ROR2: variants seen among roughly 807,000 people sequenced by gnomAD.
ROR2 encodes ROR family WNT receptor 2.
In ROR2, 33 loss-of-function variants were observed where a neutral mutation model predicts 74.9. The ratio of observed to expected loss-of-function variants is 0.44; its 90% CI spans 0.33 to 0.59. The LOEUF (loss-of-function observed/expected upper bound fraction) is 0.59. ROR2 is among the 20% of genes least tolerant of loss of function. The probability of loss-of-function intolerance (pLI) is 0.02; values close to 1 mark genes in which losing one functional copy is unlikely to be tolerated. For missense variants in ROR2, 1,216 were observed against 1,313.8 expected, an observed-to-expected ratio of 0.93 and a Z score of 1.15; for synonymous variants, 586 against 558.7, an observed-to-expected ratio of 1.05 and a Z score of -0.69.
chr9:91,846,038 C>A lies in ROR2; in HGVS notation c.98-70220G>T, dbSNP rs143987500. On this transcript the variant is annotated intron_variant, in intron 1 of 8. Coordinates refer to ENST00000375708, the MANE Select transcript of ROR2 (RefSeq NM_004560.4). ...TGCAGCCAGAGGTGACTAACACTCA[C>A]ACAGGGAGCCACTGGGTGATACCAA... is the stretch of plus-strand genomic sequence containing the variant. Among the ~76,000 whole-genome samples the A allele has an allele frequency of 3.7e-3, 564 of 152,208 alleles. 1 individual carries two copies. Among genetic ancestry groups the A allele is most frequent in the Non-Finnish European group, 6.5e-3 (442 of 67,992 alleles).
chr9:91,726,594 T>C lies in ROR2; in HGVS notation c.1333A>G (p.Met445Val). Residue 445 changes from methionine to valine, a missense_variant, in exon 8 of 9, where the codon ATG becomes GTG. By Grantham distance (21) the Met-to-Val change is conservative. Transcript: ENST00000375708. ...TCCATGTCTTGGCTGGGCGAGGCCA[T>C]CAGCTGTCGCCGCTGCGGTGTGGAC... ...SASTPQRRQLMASPSQDMEMP... is the reference protein window; with the variant it reads ...SASTPQRRQLVASPSQDMEMP... 6.2e-7 allele frequency: 1 copy of C among 1,613,706 alleles called. No individual in the cohort carries two copies. The highest frequency in any genetic ancestry group is 8.5e-7 in the Non-Finnish European group (1 of 1,180,032).
intron 2 of ROR2, among the ~76,000 whole-genome samples, chr9:91,769,983 G>A (rs141675215): frequency 4.0e-4 from 61 of 152,268 alleles, no homozygotes; most frequent in African/African-American, 1.3e-3. Context: ...GAAACCCCCC[G>A]TGCCCATCCG....
intron 1 of ROR2, among the ~76,000 whole-genome samples, chr9:91,900,655 G>A (rs904804364): frequency 6.6e-6 from 1 of 152,192 alleles, no homozygotes; most frequent in African/African-American, 2.4e-5. Flanking sequence ...GGGCACGTCG[G>A]TTCCATGGAC....
intron 1 of ROR2, among the ~76,000 whole-genome samples, chr9:91,858,162 C>T (rs373365218): frequency 1.3e-5 from 2 of 152,200 alleles, no homozygotes; most frequent in Non-Finnish European, 2.9e-5. Context: ...GACAGGACCC[C>T]GAGTTCCTAC....
intron 1 of ROR2, among the ~76,000 whole-genome samples, chr9:91,811,879 G>C (rs1827761513): frequency 6.6e-6 from 1 of 152,080 alleles, no homozygotes; most frequent in African/African-American, 2.4e-5. Flanking sequence ...TTTAAAATGG[G>C]GCCTTGCTCC....
intron 2 of ROR2, among the ~76,000 whole-genome samples, chr9:91,775,159 A>T (rs1674185417): frequency 6.6e-6 from 1 of 152,208 alleles, no homozygotes; most frequent in African/African-American, 2.4e-5. Context: ...GTGCTTGCTA[A>T]GGCAGCCTGA....
chr9:91,905,488 T>C lies in ROR2; in HGVS notation c.97+44379A>G, dbSNP rs977199573. Among the ~76,000 whole-genome samples the C allele has an allele frequency of 6.7e-6, 1 of 150,234 alleles. No homozygotes were observed. Among genetic ancestry groups the C allele is most frequent in the Non-Finnish European group, 1.5e-5 (1 of 67,560 alleles). On this transcript the variant is annotated intron_variant, in intron 1 of 8. Coordinates refer to ENST00000375708, the MANE Select transcript of ROR2 (RefSeq NM_004560.4). This position sits in a 1 kb window ranked among gnomAD's most constrained non-coding sequence, Gnocchi z 5.3. ...CCACACACAACAAAGACACAACACA[T>C]ACCACATACACGACATACACAGACA... is the stretch of plus-strand genomic sequence containing the variant.
intron 1 of ROR2, among the ~76,000 whole-genome samples, chr9:91,913,801 G>A (rs2119442191): frequency 6.6e-6 from 1 of 152,282 alleles, no homozygotes; most frequent in Admixed American, 6.5e-5. Flanking sequence ...GTGGTTTCCA[G>A]GGCCTGGGGG....
chr9:91,930,476 T>C (rs920073792), intron 1 of ROR2, among the ~76,000 whole-genome samples: 3 of 152,202 alleles, frequency 2.0e-5, no homozygotes, highest in African/African-American at 7.2e-5. Flanking sequence ...AAAAACCCCT[T>C]CTCTCCTTTG....
chr9:91,748,143 T>C (rs1825487911), intron 4 of ROR2, among the ~76,000 whole-genome samples: 1 of 152,098 alleles, frequency 6.6e-6, no homozygotes, highest in South Asian at 2.1e-4. Flanking sequence ...GGCATGGTGG[T>C]GCACGCCTGT....
At chr9:91,726,053 C>A (rs909907153) in intron 8 of ROR2, among the ~76,000 whole-genome samples, 2 of 152,224 alleles carry the variant, frequency 1.3e-5, no homozygotes, top group Admixed American at 1.3e-4. Flanking sequence ...AGTGCCCCAC[C>A]CCCATCTAAG....
intron 1 of ROR2, among the ~76,000 whole-genome samples, chr9:91,910,994 G>A (rs1830965578): frequency 6.6e-6 from 1 of 152,134 alleles, no homozygotes; most frequent in Non-Finnish European, 1.5e-5. Flanking sequence ...AATATAGAAT[G>A]ATGGAAACAA....
intron 1 of ROR2, among the ~76,000 whole-genome samples, chr9:91,939,951 G>A (rs549522636): frequency 1.3e-5 from 2 of 152,224 alleles, no homozygotes; most frequent in Non-Finnish European, 2.9e-5. Flanking sequence ...CTGAATCTCC[G>A]GGCCCCACCC....
chr9:91,808,401 G>A lies in ROR2; in HGVS notation c.98-32583C>T, dbSNP rs146120621. Among the ~76,000 whole-genome samples, 174 of 152,328 alleles carry A rather than the reference G, an allele frequency of 1.1e-3. 1 individual carries two copies. The East Asian group carries it at 0.019, about 16-fold the overall frequency. On this transcript the variant is annotated intron_variant, in intron 1 of 8. Transcript: ENST00000375708. Reference sequence around the variant, plus strand: ...TGCAATCCTAGCATTTTGGGAGGCCGAGGCGGGCGGAAGAGGTCAGGAGAT... The same window carrying A: ...TGCAATCCTAGCATTTTGGGAGGCCAAGGCGGGCGGAAGAGGTCAGGAGAT...
Position 91,912,264 on chromosome 9 carries a change from G to A in ROR2, c.97+37603C>T, listed in dbSNP as rs145801461. On this transcript the variant is annotated intron_variant, in intron 1 of 8. Coordinates refer to ENST00000375708, the MANE Select transcript of ROR2 (RefSeq NM_004560.4). ...AGAGATTAACATTAAGGGAAGCCGA[G>A]TTAAAGGGAATATGGAACAGTTTTT... 1.3e-5 allele frequency among the ~76,000 whole-genome samples: 2 copies of A among 152,318 alleles called. 1 individual carries two copies. The highest frequency in any genetic ancestry group is 2.9e-5 in the Non-Finnish European group (2 of 68,030).
At chr9:91,816,154 CT>C (rs1427125956) in intron 1 of ROR2, among the ~76,000 whole-genome samples, 1 of 152,194 alleles carries the variant, frequency 6.6e-6, no homozygotes, top group Non-Finnish European at 1.5e-5. Context: ...CCAGTGTCCC[CT>C]GTCTTTCTCC....
At chr9:91,946,898 C>G (rs1375720185) in intron 1 of ROR2, among the ~76,000 whole-genome samples, 2 of 152,176 alleles carry the variant, frequency 1.3e-5, no homozygotes, top group Non-Finnish European at 2.9e-5. Flanking sequence ...TTCTATTCCA[C>G]TGATTTCAGA....
chr9:91,881,451 T>A (rs1384764075), intron 1 of ROR2, among the ~76,000 whole-genome samples: 1 of 152,226 alleles, frequency 6.6e-6, no homozygotes, highest in Non-Finnish European at 1.5e-5. Flanking sequence ...CTTGTTTATA[T>A]CTGTTAGTGT....
chr9:91,857,346 C>T (rs922270641), intron 1 of ROR2, among the ~76,000 whole-genome samples: 2 of 152,146 alleles, frequency 1.3e-5, no homozygotes, highest in African/African-American at 2.4e-5. Context: ...GGGGCCTCGC[C>T]GCCCCGCCAC....
Sources: allele counts gnomAD v4.1 joint callset (sites outside exome capture counted in the v4.1 genomes callset), GRCh38; gene constraint gnomAD v4.1.1; non-coding constraint Gnocchi (gnomAD v3.1); transcripts MANE v1.5; gene names NCBI Gene and HGNC (gene_info 2026-07-23, HGNC 2026-07-21).